Variants in B4GALNT2 observed in about 807,000 individuals in gnomAD.
B4GALNT2 encodes beta-1,4-N-acetyl-galactosaminyltransferase 2 (SID blood group), also known as N-acetylneuraminylgalactosylglucosyl-glucoside beta-1,4-N- acetylgalactosaminyltransferase 2.
Under a neutral mutation model 51.1 loss-of-function variants are expected in B4GALNT2, and 42 were observed. The observed-to-expected ratio is 0.82, with a 90% CI of 0.64 to 1.06. The LOEUF (loss-of-function observed/expected upper bound fraction) is 1.06. Among genes scored for constraint, B4GALNT2 ranks in the 50% least tolerant of loss-of-function variants. The pLI, the probability that B4GALNT2 is intolerant of heterozygous loss-of-function variation, is 0.00. For missense variants in B4GALNT2, 602 were observed against 633.6 expected, an observed-to-expected ratio of 0.95 and a Z score of 0.54; for synonymous variants, 253 against 251.7, an observed-to-expected ratio of 1.01 and a Z score of -0.05.
At chr17:49,123,542 T>G in the B4GALNT2 span, among the ~76,000 whole-genome samples, 2 of 152,240 alleles carry the variant, frequency 1.3e-5, no homozygotes, top group African/African-American at 4.8e-5. Context: ...AATGGCTTGT[T>G]TTATTATACT....
chr17:49,132,132 A>T (rs1426526189), upstream of B4GALNT2, among the ~76,000 whole-genome samples: 1 of 152,178 alleles, frequency 6.6e-6, no homozygotes, highest in East Asian at 1.9e-4. Flanking sequence ...GTTTCAAAAA[A>T]TAAATTCTTG....
chr17:49,134,900 A>G (rs1439391895), intron 1 of B4GALNT2, among the ~76,000 whole-genome samples: 1 of 152,034 alleles, frequency 6.6e-6, no homozygotes, highest in African/African-American at 2.4e-5. Flanking sequence ...CTGATACTAT[A>G]TATTATTGTA....
chr17:49,146,305 A>ACTT (rs1327558897), intron 3 of B4GALNT2, among the ~76,000 whole-genome samples: 2 of 151,364 alleles, frequency 1.3e-5, no homozygotes, highest in Non-Finnish European at 2.9e-5. Context: ...CCATTGCCGC[A>ACTT]CTTCTTCTTC....
chr17:49,131,062 T>G (rs1340032643), upstream of B4GALNT2, among the ~76,000 whole-genome samples: 1 of 152,174 alleles, frequency 6.6e-6, no homozygotes, highest in Non-Finnish European at 1.5e-5. Context: ...ACTGGCCACA[T>G]AAGCTTGAAT....
chr17:49,153,035 CA>C, intron 4 of B4GALNT2, 129 bp downstream of exon 4: 1 of 787,324 alleles, frequency 1.3e-6, no homozygotes, highest in Non-Finnish European at 2.1e-6. Flanking sequence ...AGCAGGAGTT[CA>C]AGACTGCAGT....
chr17:49,120,710 A>C, the B4GALNT2 span, among the ~76,000 whole-genome samples: 4 of 151,938 alleles, frequency 2.6e-5, no homozygotes, highest in Admixed American at 2.0e-4. Flanking sequence ...GGGTTTCTCC[A>C]TGTCGGCCAG....
intron 3 of B4GALNT2, among the ~76,000 whole-genome samples, chr17:49,150,312 C>CTG: frequency 6.6e-6 from 1 of 151,234 alleles, no homozygotes; most frequent in South Asian, 2.1e-4. Context: ...GGTCAGCCCC[C>CTG]CCCGCCTGGC....
At chr17:49,132,223 A>G (rs1054824517), upstream of B4GALNT2, among the ~76,000 whole-genome samples, 1 of 152,212 alleles carries the variant, frequency 6.6e-6, no homozygotes, top group Non-Finnish European at 1.5e-5. Flanking sequence ...CTGGCTTATG[A>G]AAAAGGTCCT....
At position 49,169,859 on chromosome 17, in the gene B4GALNT2, C is replaced by G. The variant is rs2042946281; in HGVS notation, c.*131C>G. 3 of 881,610 alleles carry G rather than the reference C, an allele frequency of 3.4e-6. No homozygotes were observed. Among genetic ancestry groups the G allele is most frequent in the Non-Finnish European group, 5.0e-6 (3 of 605,044 alleles). The allele number at this position is 881,610 out of a possible 1,614,324, so 54.6% of individuals were successfully genotyped here. A position where few individuals can be genotyped will look rare whatever the true frequency, so the allele number is the denominator to read the frequency against. ...GTGGGTAGGGAAAAGGGAAATGGCT[C>G]AGTTACTGGAAGTACCAATCAAAGG... is the stretch of plus-strand genomic sequence containing the variant. On this transcript the variant is annotated 3_prime_UTR_variant, in exon 11 of 11. Transcript: ENST00000393354.
Position 49,175,605 on chromosome 17 carries a change from C to A in B4GALNT2, c.*5877C>A, listed in dbSNP as rs1452485447. On this transcript the variant is annotated 3_prime_UTR_variant, in exon 11 of 11. Transcript: ENST00000393354. ...TTTGTGCAGTATAAATCTACTGTGGCACTACTGGCTGTCGTGGGGGACAGA... is the reference window on the plus strand; with the variant it reads ...TTTGTGCAGTATAAATCTACTGTGGAACTACTGGCTGTCGTGGGGGACAGA... 3.9e-5 allele frequency: 6 copies of A among 152,194 alleles called. No homozygotes were observed. The highest frequency in any genetic ancestry group is 3.3e-4 in the Admixed American group (5 of 15,272). 9.4% of individuals were successfully genotyped at this position (152,194 alleles called of 1,614,324 possible).
At chr17:49,122,165 CG>C in the B4GALNT2 span, among the ~76,000 whole-genome samples, 3 of 152,100 alleles carry the variant, frequency 2.0e-5, no homozygotes, top group Non-Finnish European at 4.4e-5. Flanking sequence ...TGTTTCTGGT[CG>C]GAGATGTCAT....
chr17:49,121,287 C>A, the B4GALNT2 span, among the ~76,000 whole-genome samples: 1 of 152,188 alleles, frequency 6.6e-6, no homozygotes, highest in East Asian at 1.9e-4. Context: ...GGCATCACCA[C>A]CTTTTTGGGG....
chr17:49,169,906 C>T lies in B4GALNT2; in HGVS notation c.*178C>T, dbSNP rs2042946700. On this transcript the variant is annotated 3_prime_UTR_variant, in exon 11 of 11. Coordinates refer to ENST00000393354, the MANE Select transcript of B4GALNT2 (RefSeq NM_001159387.2). ...AAGGTGAAGGGTCACTGGAAATGAA[C>T]CAGTCACTGACCAGGGCAATGGAGA... is the stretch of plus-strand genomic sequence containing the variant. 1.0e-5 allele frequency: 6 copies of T among 584,922 alleles called. No homozygotes were observed. Among genetic ancestry groups the T allele is most frequent in the Admixed American group, 3.4e-5 (1 of 29,600 alleles). The allele number at this position is 584,922 out of a possible 1,614,324, so 36.2% of individuals were successfully genotyped here.
intron 5 of B4GALNT2, among the ~76,000 whole-genome samples, 185 bp from the exon 6 acceptor site, chr17:49,158,852 G>A (rs1432942243): frequency 1.3e-5 from 2 of 152,100 alleles, no homozygotes; most frequent in Admixed American, 1.3e-4. Flanking sequence ...TGGGGGATTG[G>A]GGGCGGGGGC....
At position 49,142,060 on chromosome 17, in the gene B4GALNT2, T is replaced by C; in HGVS notation, c.241T>C (p.Cys81Arg). The change falls in exon 3 of 11, where the codon TGT becomes CGT. Residue 81 changes from cysteine (C) to arginine (R), a missense_variant. Cys to Arg is a radical substitution (Grantham distance 180). Transcript: ENST00000393354. The stretch of plus-strand genomic sequence containing the variant: ...GCTGTTCCCGAAAAATCAGTGCAAA[T>C]GTGAAGCCAACAAAGAGCAGGGAGG... ...IWLFPKNQCK[C>R]EANKEQGGYN... 1.2e-6 allele frequency: 2 copies of C among 1,614,118 alleles called. No individual in the cohort carries two copies. The highest frequency in any genetic ancestry group is 2.2e-5 in the East Asian group (1 of 44,884).
Position 49,160,646 on chromosome 17 carries a change from G to A in B4GALNT2, c.766+5G>A. 2 of 1,613,046 alleles carry A rather than the reference G, an allele frequency of 1.2e-6. No individual in the cohort carries two copies. Among genetic ancestry groups the A allele is most frequent in the Middle Eastern group, 1.6e-4 (1 of 6,062 alleles). On this transcript the variant is annotated splice_donor_5th_base_variant and intron_variant, in intron 7 of 10. Coordinates refer to ENST00000393354, the MANE Select transcript of B4GALNT2 (RefSeq NM_001159387.2). ...AGCTATACGACCCTGGACCAGGTAA[G>A]GCCCTTGTCCTTGGGGCTCCGTGGT...
chr17:49,139,580 G>A (rs952962255), intron 1 of B4GALNT2, among the ~76,000 whole-genome samples: 4 of 152,142 alleles, frequency 2.6e-5, no homozygotes, highest in Admixed American at 2.6e-4. Context: ...GCAGTAGTGC[G>A]ATCATAGCTC....
chr17:49,130,573 G>T (rs2042532137), upstream of B4GALNT2, among the ~76,000 whole-genome samples: 1 of 152,204 alleles, frequency 6.6e-6, no homozygotes, highest in African/African-American at 2.4e-5. Flanking sequence ...GGGAGGCAGA[G>T]GTTGCAGTGA....
chr17:49,120,867 G>T, the B4GALNT2 span, among the ~76,000 whole-genome samples: 1 of 151,946 alleles, frequency 6.6e-6, no homozygotes, highest in Non-Finnish European at 1.5e-5. Context: ...TAAGCTTCAC[G>T]CCTCACTGAG....
Sources: gnomAD v4.1 joint callset for allele counts (sites outside exome capture counted in the v4.1 genomes callset) on GRCh38, gnomAD v4.1.1 for gene constraint, MANE v1.5 for transcripts, NCBI Gene and HGNC (gene_info 2026-07-23, HGNC 2026-07-21) for gene names.